Variants in LRRC27 observed in about 807,000 individuals in gnomAD.
LRRC27 encodes leucine-rich repeat-containing protein 27.
A neutral mutation model predicts 55.0 loss-of-function variants in LRRC27; 57 were observed. The ratio of observed to expected loss-of-function variants is 1.04; its 90% confidence interval spans 0.84 to 1.29. The LOEUF is 1.29. LRRC27 is among the 50% of genes most tolerant of loss of function. The pLI, the probability that LRRC27 is intolerant of heterozygous loss-of-function variation, is 0.00. For synonymous variants in LRRC27, 278 were observed against 251.9 expected (o/e 1.10, Z -0.98); for missense variants, 721 against 651.5 (o/e 1.11, Z -1.16).
chr10:132,365,320 G>A (rs2069015792), intron 9 of LRRC27, 104 bp from the exon 10 acceptor site: 3 of 1,491,600 alleles, frequency 2.0e-6, no homozygotes, highest in African/African-American at 1.4e-5. Context: ...ACCGCTGTTT[G>A]GTCTGGGAAG....
intron 3 of LRRC27, among the ~76,000 whole-genome samples, chr10:132,341,371 A>G (rs546661904): frequency 4.1e-4 from 62 of 152,350 alleles, no homozygotes; most frequent in African/African-American, 1.4e-3. Context: ...TGGGCAACAG[A>G]GTGGAGACCT....
chr10:132,339,659 C>T (rs2067307627), intron 3 of LRRC27, among the ~76,000 whole-genome samples: 2 of 152,200 alleles, frequency 1.3e-5, no homozygotes, highest in Non-Finnish European at 2.9e-5. Flanking sequence ...GCTGAGAGTG[C>T]TTTGGGAAGG....
intron 8 of LRRC27, among the ~76,000 whole-genome samples, chr10:132,356,265 G>T (rs543020081): frequency 6.6e-6 from 1 of 152,242 alleles, no homozygotes; most frequent in South Asian, 2.1e-4. Flanking sequence ...ATAAAAAGCA[G>T]CTGAGGTCGA....
Position 132,374,717 on chromosome 10 carries a change from T to C in LRRC27, c.1417-349T>C, listed in dbSNP as rs2069305023. ...CGGGGTGTGGCATCAGCCTTCCCTT[T>C]GCCCACAGGACGATGCCCTGAGTCT... On this transcript the variant is annotated intron_variant, in intron 10 of 10. Transcript: ENST00000368614. The surrounding 1 kb of genome is among the most constrained non-coding windows in gnomAD (Gnocchi z 4.4). Among the ~76,000 whole-genome samples the C allele has an allele frequency of 6.6e-6, 1 of 152,194 alleles. No individual in the cohort carries two copies. Among genetic ancestry groups the C allele is most frequent in the Non-Finnish European group, 1.5e-5 (1 of 68,026 alleles).
At chr10:132,337,044 G>T (rs1272681736) in intron 2 of LRRC27, 1 of 1,280,246 alleles carries the variant, frequency 7.8e-7, no homozygotes, top group Non-Finnish European at 1.0e-6. Context: ...TGCTCGCTGA[G>T]GCTTTGTTTG....
chr10:132,347,656 C>A (rs1361725291), intron 5 of LRRC27, among the ~76,000 whole-genome samples: 1 of 149,778 alleles, frequency 6.7e-6, no homozygotes, highest in African/African-American at 2.5e-5. Flanking sequence ...CCTGGTGGGG[C>A]CTGCAGGGGA....
chr10:132,365,882 G>A (rs2069055914), intron 10 of LRRC27, among the ~76,000 whole-genome samples: 2 of 152,218 alleles, frequency 1.3e-5, no homozygotes, highest in Admixed American at 6.5e-5. Flanking sequence ...ACTGTGCACA[G>A]CCTAAAACAT....
Position 132,333,616 on chromosome 10 carries a change from C to G in LRRC27, c.92C>G (p.Pro31Arg), listed in dbSNP as rs150644007. 9 of 1,612,874 alleles carry G rather than the reference C, an allele frequency of 5.6e-6. No homozygotes were observed. The highest frequency in any genetic ancestry group is 4.0e-5 in the African/African-American group (3 of 74,880). Residue 31 changes from proline (P) to arginine (R), a missense_variant, in exon 2 of 11, where the codon CCC becomes CGC. Pro to Arg is a moderately radical substitution (Grantham distance 103). Coordinates refer to ENST00000368614, the MANE Select transcript of LRRC27 (RefSeq NM_030626.3). ...AGQTRSLPATPSKDVHKGVGG... is the reference protein window; with the variant it reads ...AGQTRSLPATRSKDVHKGVGG... ...CAGACTAGGAGCTTGCCTGCCACCC[C>G]CTCCAAAGATGTTCACAAGGGTGTT... is the stretch of plus-strand genomic sequence containing the variant.
intron 2 of LRRC27, 98 bp downstream of exon 2, chr10:132,333,832 T>C: frequency 1.1e-6 from 1 of 902,550 alleles, no homozygotes; most frequent in Non-Finnish European, 1.7e-6. Context: ...TCTTTCTCTT[T>C]GGAATTGATG....
intron 4 of LRRC27, 68 bp downstream of exon 4, chr10:132,342,339 G>C: frequency 9.9e-7 from 1 of 1,006,488 alleles, no homozygotes. Flanking sequence ...CCTTGTAATG[G>C]AAGTATCAGG....
At chr10:132,337,104 A>T (rs1414188652) in intron 2 of LRRC27, 11 of 1,235,160 alleles carry the variant, frequency 8.9e-6, no homozygotes, top group Non-Finnish European at 1.1e-5. Context: ...CCTGTCTTTT[A>T]GTTTCATTTT....
intron 9 of LRRC27, among the ~76,000 whole-genome samples, chr10:132,364,839 C>CGCACTTACACCCACCCTT (rs2068972357): frequency 6.6e-6 from 1 of 150,680 alleles, no homozygotes; most frequent in African/African-American, 2.5e-5. Context: ...CCTCCACGCC[C>CGCACTTACACCCACCCTT]ACACCCTGGG....
At chr10:132,346,668 A>AAAAT (rs549182309) in intron 5 of LRRC27, among the ~76,000 whole-genome samples, 315 of 152,324 alleles carry the variant, frequency 2.1e-3, no homozygotes, top group African/African-American at 7.2e-3. Flanking sequence ...CCGTCTTAAA[A>AAAAT]AAATAAATAA....
intron 10 of LRRC27, among the ~76,000 whole-genome samples, chr10:132,369,842 T>C (rs2133102221): frequency 6.6e-6 from 1 of 152,262 alleles, no homozygotes; most frequent in Middle Eastern, 3.4e-3. Context: ...CTGGCTCTTG[T>C]GTCCCCCACT....
upstream of LRRC27, chr10:132,332,075 G>A (rs1031344763): frequency 3.7e-6 from 1 of 270,348 alleles, no homozygotes; most frequent in Non-Finnish European, 6.9e-6. Flanking sequence ...ACACCCCCGC[G>A]CGCAGGCGCA....
intron 5 of LRRC27, among the ~76,000 whole-genome samples, chr10:132,345,564 C>T (rs1179539934): frequency 6.6e-6 from 1 of 152,240 alleles, no homozygotes; most frequent in East Asian, 1.9e-4. Context: ...CTGGCTGTGG[C>T]ACCCTTGACC....
chr10:132,330,610 C>T (rs1386658027), upstream of LRRC27: 3 of 685,662 alleles, frequency 4.4e-6, no homozygotes, highest in East Asian at 2.7e-5. Context: ...TAGGTTCAAG[C>T]GATCCTCTTG....
Position 132,361,359 on chromosome 10 carries a change from C to T in LRRC27, c.1171-98C>T, listed in dbSNP as rs966133241. ...CGGGGCGGCCTCGGACCCACCTCTT[C>T]GTGGACGAGGAGCTAGTCTAACACA... On this transcript the variant is annotated intron_variant, in intron 8 of 10. Transcript: ENST00000368614. 3.7e-5 allele frequency: 39 copies of T among 1,042,370 alleles called. No individual in the cohort carries two copies. The Middle Eastern group carries it at 3.0e-3, about 81-fold the overall frequency. 64.6% of individuals were successfully genotyped at this position (1,042,370 alleles called of 1,614,324 possible).
chr10:132,339,024 T>G (rs1046089534), intron 3 of LRRC27, among the ~76,000 whole-genome samples: 2 of 152,184 alleles, frequency 1.3e-5, no homozygotes, highest in South Asian at 4.1e-4. Context: ...GAACCTCTTT[T>G]GACAAGTGCT....
Sources: gnomAD v4.1 joint callset for allele counts (sites outside exome capture counted in the v4.1 genomes callset) on GRCh38, gnomAD v4.1.1 for gene constraint, Gnocchi (gnomAD v3.1) non-coding constraint, MANE v1.5 for transcripts, NCBI Gene and HGNC (gene_info 2026-07-23, HGNC 2026-07-21) for gene names.